DPYD: variants seen among roughly 807,000 people sequenced by gnomAD.
DPYD encodes the protein dihydropyrimidine dehydrogenase.
A neutral mutation model predicts 116.2 loss-of-function variants in DPYD; 109 were observed. The ratio of observed to expected loss-of-function variants is 0.94; its 90% CI spans 0.80 to 1.10. The LOEUF (loss-of-function observed/expected upper bound fraction) is 1.10. Among genes scored for constraint, DPYD ranks in the 50% least tolerant of loss-of-function variants. The probability of loss-of-function intolerance (pLI) is 0.00; values close to 1 mark genes in which losing one functional copy is unlikely to be tolerated. For synonymous variants in DPYD, 440 were observed against 432.0 expected, an observed-to-expected ratio of 1.02 and a Z score of -0.23; for missense variants, 1,302 against 1,254.5, an observed-to-expected ratio of 1.04 and a Z score of -0.57.
chr1:97,344,599 A>ACG (rs908180419), intron 16 of DPYD, among the ~76,000 whole-genome samples: 1 of 151,576 alleles, frequency 6.6e-6, no homozygotes, highest in African/African-American at 2.4e-5. Flanking sequence ...ATGTCACCAC[A>ACG]CACACACACA....
chr1:97,089,827 G>GTTTTTT, intron 21 of DPYD, among the ~76,000 whole-genome samples: 1 of 126,610 alleles, frequency 7.9e-6, no homozygotes. Flanking sequence ...CATTTTGTTT[G>GTTTTTT]TTTTTTTTTT....
intron 8 of DPYD, among the ~76,000 whole-genome samples, chr1:97,601,119 A>G (rs897112258): frequency 2.6e-5 from 4 of 152,060 alleles, no homozygotes; most frequent in Non-Finnish European, 5.9e-5. Flanking sequence ...TAATCTCATT[A>G]TTTCCATTTT....
At chr1:97,532,351 T>C (rs772472152) in intron 12 of DPYD, among the ~76,000 whole-genome samples, 3 of 152,186 alleles carry the variant, frequency 2.0e-5, no homozygotes, top group Non-Finnish European at 2.9e-5. Context: ...TCTTTGTTTG[T>C]GGTGTCTTTG....
At chr1:97,810,889 A>G (rs1211064735) in intron 3 of DPYD, among the ~76,000 whole-genome samples, 3 of 152,142 alleles carry the variant, frequency 2.0e-5, no homozygotes, top group Non-Finnish European at 4.4e-5. Flanking sequence ...AAATTTCTCA[A>G]TGGGGTTTCC....
chr1:97,290,120 C>T (rs1024360095), intron 18 of DPYD, among the ~76,000 whole-genome samples: 7 of 152,012 alleles, frequency 4.6e-5, no homozygotes, highest in African/African-American at 1.2e-4. Flanking sequence ...TACCTAGGGA[C>T]CCAACTTACA....
chr1:97,484,490 G>A (rs890039412), intron 13 of DPYD, among the ~76,000 whole-genome samples: 1 of 152,114 alleles, frequency 6.6e-6, no homozygotes, highest in Non-Finnish European at 1.5e-5. Flanking sequence ...AAATATTGGT[G>A]CGGGTCTTTC....
intron 5 of DPYD, among the ~76,000 whole-genome samples, chr1:97,713,361 C>A (rs568884071): frequency 1.3e-5 from 2 of 151,836 alleles, no homozygotes; most frequent in East Asian, 1.9e-4. Flanking sequence ...TTTAACCATG[C>A]GATTTCGTTA....
chr1:97,238,489 G>T (rs977580877), intron 18 of DPYD, among the ~76,000 whole-genome samples: 1 of 152,042 alleles, frequency 6.6e-6, no homozygotes, highest in African/African-American at 2.4e-5. Flanking sequence ...TTGCTATGTA[G>T]AATTTATTTT....
chr1:97,485,701 T>G (rs1678594273), intron 13 of DPYD, among the ~76,000 whole-genome samples: 1 of 152,218 alleles, frequency 6.6e-6, no homozygotes, highest in East Asian at 1.9e-4. Context: ...AGTTTCATTT[T>G]CAGGAATATA....
At position 97,699,499 on chromosome 1, in the gene DPYD, G is replaced by C. The variant is rs1392152667; in HGVS notation, c.532C>G (p.Pro178Ala). 6.2e-7 allele frequency: 1 copy of C among 1,613,422 alleles called. No individual in the cohort carries two copies. Among genetic ancestry groups the C allele is most frequent in the African/African-American group, 1.3e-5 (1 of 74,990 alleles). Residue 178 changes from proline to alanine, a missense_variant, in exon 6 of 23, where the codon CCC (proline) becomes GCC (alanine). Transcript: ENST00000370192. ...TAGGCTTCAGACATTTTTTCTGGGG[G>C]AGGCAGCGAAGGATTTCTGATCTGT... is the stretch of plus-strand genomic sequence containing the variant. ...IPQIRNPSLP[P>A]PEKMSEAYSA... is the part of the protein sequence containing the mutation.
chr1:97,379,583 A>G (rs1671823960), intron 15 of DPYD, among the ~76,000 whole-genome samples: 1 of 152,162 alleles, frequency 6.6e-6, no homozygotes, highest in Non-Finnish European at 1.5e-5. Context: ...ACCTCCACTG[A>G]GCCTGTCAAA....
chr1:97,150,331 C>A (rs1471024133), intron 20 of DPYD, among the ~76,000 whole-genome samples: 1 of 151,972 alleles, frequency 6.6e-6, no homozygotes, highest in East Asian at 1.9e-4. Context: ...AGAACAAGGA[C>A]CAGTCTCTCT....
intron 8 of DPYD, among the ~76,000 whole-genome samples, chr1:97,646,650 T>G (rs577448851): frequency 6.6e-6 from 1 of 152,240 alleles, no homozygotes; most frequent in East Asian, 1.9e-4. Flanking sequence ...GTAAATTAAT[T>G]GCCTCTTTTC....
intron 8 of DPYD, among the ~76,000 whole-genome samples, chr1:97,646,825 C>T (rs1658290813): frequency 3.3e-5 from 5 of 152,040 alleles, no homozygotes; most frequent in Admixed American, 3.3e-4. Flanking sequence ...AGGGATAGGA[C>T]ACTACTTGCA....
At position 97,628,579 on chromosome 1, in the gene DPYD, A is replaced by G. The variant is rs1360081221; in HGVS notation, c.851-33413T>C. On this transcript the variant is annotated intron_variant, in intron 8 of 22. Coordinates refer to ENST00000370192, the MANE Select transcript of DPYD (RefSeq NM_000110.4). Reference sequence around the variant, plus strand: ...CAGTTGATTATAGAAAATTCAGTACAACTTAGAAATCTTGCCAATAATAAT... The same window carrying G: ...CAGTTGATTATAGAAAATTCAGTACGACTTAGAAATCTTGCCAATAATAAT... 4.6e-5 allele frequency among the ~76,000 whole-genome samples: 7 copies of G among 152,100 alleles called. No individual in the cohort carries two copies. In the East Asian group the frequency reaches 1.4e-3, roughly 29 times the overall value.
chr1:97,311,507 G>T (rs542262019), intron 16 of DPYD, among the ~76,000 whole-genome samples: 5 of 151,772 alleles, frequency 3.3e-5, no homozygotes, highest in Non-Finnish European at 5.9e-5. Flanking sequence ...CTACCAGATT[G>T]GGGGGTTGGG....
chr1:97,785,558 C>T (rs1287123122), intron 3 of DPYD, among the ~76,000 whole-genome samples: 1 of 152,070 alleles, frequency 6.6e-6, no homozygotes, highest in Admixed American at 6.5e-5. Context: ...TAGCAGTTCT[C>T]CAAACATGAA....
At chr1:97,168,910 G>A (rs769029929) in intron 20 of DPYD, among the ~76,000 whole-genome samples, 3 of 149,784 alleles carry the variant, frequency 2.0e-5, no homozygotes, top group Non-Finnish European at 4.4e-5. Context: ...GCATTGGCAT[G>A]ATCGCAGCTC....
chr1:97,568,643 C>T (rs61789186), intron 11 of DPYD, among the ~76,000 whole-genome samples: 206 of 151,986 alleles, frequency 1.4e-3, no homozygotes, highest in Non-Finnish European at 8.8e-4. Flanking sequence ...ATTTATGCCA[C>T]AACAAAGGAA....
Sources: gnomAD v4.1 joint callset for allele counts (sites outside exome capture counted in the v4.1 genomes callset) on GRCh38, gnomAD v4.1.1 for gene constraint, MANE v1.5 for transcripts, NCBI Gene and HGNC (gene_info 2026-07-23, HGNC 2026-07-21) for gene names.